Variants in ZBP1 observed in about 807,000 individuals in gnomAD.
ZBP1 encodes Z-DNA-binding protein 1.
A neutral mutation model predicts 41.1 loss-of-function variants in ZBP1; 42 were observed. The observed-to-expected ratio is 1.02, with a 90% confidence interval of 0.80 to 1.32. ZBP1 has a LOEUF of 1.32. ZBP1 is among the 40% of genes most tolerant of loss of function. ZBP1 has a pLI of 0.00. For missense variants in ZBP1, 562 were observed against 549.7 expected (o/e 1.02, Z -0.22); for synonymous variants, 214 against 205.2 (o/e 1.04, Z -0.37).
chr20:57,616,841 G>C (rs532832536), intron 1 of ZBP1: 1 of 266,714 alleles, frequency 3.7e-6, no homozygotes, highest in South Asian at 4.4e-5. Flanking sequence ...AGGGGGACCT[G>C]GGAGCGCAAA....
chr20:57,605,163 A>G (rs1300724817), intron 7 of ZBP1, among the ~76,000 whole-genome samples: 2 of 151,582 alleles, frequency 1.3e-5, no homozygotes, highest in African/African-American at 4.8e-5. Flanking sequence ...GGCCTTACAC[A>G]TCTCAGGATA....
intron 7 of ZBP1, among the ~76,000 whole-genome samples, chr20:57,609,429 C>T (rs551335815): frequency 5.0e-4 from 76 of 152,204 alleles, no homozygotes; most frequent in African/African-American, 1.3e-3. Context: ...TTGACACAGG[C>T]GGCACTTCCC....
Position 57,604,760 on chromosome 20 carries a change from GGAC to G in ZBP1, c.1100_1102del (p.Arg367del), listed in dbSNP as rs752773427. 2.1e-4 allele frequency: 341 copies of G among 1,613,472 alleles called. No individual in the cohort carries two copies. Among genetic ancestry groups the G allele is most frequent in the Non-Finnish European group, 3.6e-5 (42 of 1,179,552 alleles). Reference sequence around the variant, plus strand: ...GTGACTTCTGGATTGTGTGTCTGCGGGACGACGACCTAGGGAAGAGAAGATGGG... The same window carrying G: ...GTGACTTCTGGATTGTGTGTCTGCGGGACGACCTAGGGAAGAGAAGATGGG... On this transcript the variant is annotated inframe_deletion, in exon 8 of 8. Coordinates refer to ENST00000371173, the MANE Select transcript of ZBP1 (RefSeq NM_030776.3).
Position 57,610,119 on chromosome 20 carries a change from C to CA in ZBP1, c.1093+29dup, listed in dbSNP as rs1255656339. On this transcript the variant is annotated intron_variant, in intron 7 of 7. Coordinates refer to ENST00000371173, the MANE Select transcript of ZBP1 (RefSeq NM_030776.3). This position sits in a 1 kb window ranked among gnomAD's most constrained non-coding sequence, Gnocchi z 5.5. ...GGAAGGTGGGGAGAGAGAGAGAACA[C>CA]ACAGGGGTCCACTCTGCCCCCTAGC... 1 of 1,585,272 alleles carries CA rather than the reference C, an allele frequency of 6.3e-7. No homozygotes were observed. Among genetic ancestry groups the CA allele is most frequent in the South Asian group, 1.1e-5 (1 of 90,378 alleles).
At chr20:57,614,479 C>A (rs1000113327) in intron 4 of ZBP1, among the ~76,000 whole-genome samples, 8 of 152,056 alleles carry the variant, frequency 5.3e-5, no homozygotes, top group Non-Finnish European at 4.4e-5. Context: ...GGAAGCTGAC[C>A]CTGCGCTGAC....
rs745835660 is a variant in ZBP1 at position 57,610,229 on chromosome 20, T to C, written c.1013A>G (p.Asn338Ser). 5 of 1,614,198 alleles carry C rather than the reference T, an allele frequency of 3.1e-6. No homozygotes were observed. The East Asian group carries it at 8.9e-5, about 29-fold the overall frequency. Residue 338 changes from asparagine (N) to serine (S), a missense_variant, in exon 7 of 8, where the codon AAC becomes AGC. Coordinates refer to ENST00000371173, the MANE Select transcript of ZBP1 (RefSeq NM_030776.3). This position sits in a 1 kb window ranked among gnomAD's most constrained non-coding sequence, Gnocchi z 5.5. Reference sequence around the variant, plus strand: ...CACCCCTGGGCTGATAGACATTTTGTTGCTGTTGCCGATGGTGGCGTCCTC... The same window carrying C: ...CACCCCTGGGCTGATAGACATTTTGCTGCTGTTGCCGATGGTGGCGTCCTC... ...FLEDATIGNS[N>S]KMSISPGVAG... is the part of the protein sequence containing the mutation.
rs1295026957 is a variant in ZBP1 at position 57,620,361 on chromosome 20, G to A, written c.-66C>T. On this transcript the variant is annotated 5_prime_UTR_variant, in exon 1 of 8. Coordinates refer to ENST00000371173, the MANE Select transcript of ZBP1 (RefSeq NM_030776.3). The stretch of plus-strand genomic sequence containing the variant: ...GTGCAGGCTTCTGCACTGTGGCCCT[G>A]AGAGGGTGGGCTAGGTCGAGGCTGG... The A allele has an allele frequency of 1.3e-6, 2 of 1,542,508 alleles. No homozygotes were observed. The highest frequency in any genetic ancestry group is 1.8e-6 in the Non-Finnish European group (2 of 1,139,364).
rs923710077 is a variant in ZBP1, at chr20:57,613,104, C to A, written c.670+59G>T. 1 of 1,606,640 alleles carries A rather than the reference C, an allele frequency of 6.2e-7. No individual in the cohort carries two copies. Among genetic ancestry groups the A allele is most frequent in the East Asian group, 2.2e-5 (1 of 44,522 alleles). Reference sequence around the variant, plus strand: ...CCCATCCCTACCCTTTGCCCCCACCCAGAGGATCCGGTGGCTCCCCACCGA... The same window carrying A: ...CCCATCCCTACCCTTTGCCCCCACCAAGAGGATCCGGTGGCTCCCCACCGA... On this transcript the variant is annotated intron_variant, in intron 5 of 7. Coordinates refer to ENST00000371173, the MANE Select transcript of ZBP1 (RefSeq NM_030776.3). The surrounding 1 kb of genome is among the most constrained non-coding windows in gnomAD (Gnocchi z 4.5).
chr20:57,613,235 T>C lies in ZBP1; in HGVS notation c.598A>G (p.Ile200Val). The change falls in exon 5 of 8, where the codon ATT (isoleucine) becomes GTT (valine). Residue 200 changes from isoleucine (I) to valine (V), a missense_variant. Transcript: ENST00000371173. This position sits in a 1 kb window ranked among gnomAD's most constrained non-coding sequence, Gnocchi z 4.5. ...CQNGPNSWIS[I>V]ANSEAIQIGH... is the part of the protein sequence containing the mutation. Reference sequence around the variant, plus strand: ...ATCTGGATGGCTTCGGAGTTTGCAATGGAAATCCAGCTGTTGGGTCCATTC... The same window carrying C: ...ATCTGGATGGCTTCGGAGTTTGCAACGGAAATCCAGCTGTTGGGTCCATTC... The C allele has an allele frequency of 6.2e-7, 1 of 1,614,262 alleles. No individual in the cohort carries two copies. Among genetic ancestry groups the C allele is most frequent in the African/African-American group, 1.3e-5 (1 of 75,072 alleles).
At chr20:57,614,466 C>T (rs563798404) in intron 4 of ZBP1, among the ~76,000 whole-genome samples, 81 of 152,272 alleles carry the variant, frequency 5.3e-4, no homozygotes, top group African/African-American at 1.9e-3. Context: ...TTAGGTCTCA[C>T]GGGGAAGCTG....
At chr20:57,605,970 C>G (rs141189660) in intron 7 of ZBP1, among the ~76,000 whole-genome samples, 3 of 152,106 alleles carry the variant, frequency 2.0e-5, no homozygotes, top group Non-Finnish European at 4.4e-5. Context: ...TAACCCCAAA[C>G]GGCCTCTATG....
intron 3 of ZBP1, chr20:57,615,307 C>T: frequency 1.4e-6 from 1 of 695,222 alleles, no homozygotes; most frequent in Non-Finnish European, 2.4e-6. Flanking sequence ...CAGCTATTGT[C>T]TGACTGGAGA....
At chr20:57,615,396 TG>T in intron 3 of ZBP1, 115 bp downstream of exon 3, 2 of 1,108,336 alleles carry the variant, frequency 1.8e-6, no homozygotes, top group Non-Finnish European at 2.7e-6. Context: ...AGCTGCCTGG[TG>T]GGTGGGACAG....
chr20:57,611,136 C>G (rs2146571364), intron 6 of ZBP1, among the ~76,000 whole-genome samples: 1 of 152,360 alleles, frequency 6.6e-6, no homozygotes, highest in Middle Eastern at 3.4e-3. Flanking sequence ...AAACCATCAC[C>G]CTGCTCCAGT....
intron 1 of ZBP1, among the ~76,000 whole-genome samples, chr20:57,618,746 T>C (rs1268719403): frequency 6.6e-6 from 1 of 152,180 alleles, no homozygotes; most frequent in East Asian, 1.9e-4. Context: ...TACACCCGGC[T>C]GATTTTTGTA....
intron 7 of ZBP1, 90 bp from the exon 8 acceptor site, chr20:57,604,859 G>C: frequency 7.9e-7 from 1 of 1,272,640 alleles, no homozygotes; most frequent in Admixed American, 2.1e-5. Context: ...TTCGAGCTCA[G>C]CTTGAGCCTT....
Position 57,616,273 on chromosome 20 carries a change from C to T in ZBP1, c.230G>A (p.Gly77Asp). 1 of 1,614,080 alleles carries T rather than the reference C, an allele frequency of 6.2e-7. No individual in the cohort carries two copies. Among genetic ancestry groups the T allele is most frequent in the Non-Finnish European group, 8.5e-7 (1 of 1,180,000 alleles). ...GCTGGACAAGGCCAGCTCTGCAGGA[C>T]CCTCGCCTTCAGGATCAGTCCCGCC... ...CLGGTDPEGEGPAELALSSPA... is the reference protein window; with the variant it reads ...CLGGTDPEGEDPAELALSSPA... The change falls in exon 2 of 8, where the codon GGT becomes GAT. Residue 77 changes from glycine (G) to aspartate (D), a missense_variant. Gly to Asp is a moderately conservative substitution (Grantham distance 94). Coordinates refer to ENST00000371173, the MANE Select transcript of ZBP1 (RefSeq NM_030776.3).
chr20:57,611,621 GA>G, intron 6 of ZBP1, 105 bp downstream of exon 6: 1 of 1,268,300 alleles, frequency 7.9e-7, no homozygotes, highest in Non-Finnish European at 1.1e-6. Context: ...GGAAGGAAAG[GA>G]ATTTCCCATC....
intron 7 of ZBP1, among the ~76,000 whole-genome samples, chr20:57,608,244 C>T (rs192819265): frequency 6.6e-6 from 1 of 152,264 alleles, no homozygotes; most frequent in East Asian, 1.9e-4. Flanking sequence ...GCCTCAGCCT[C>T]CTGAGTAGCT....
Sources: gnomAD v4.1 joint callset for allele counts (sites outside exome capture counted in the v4.1 genomes callset) on GRCh38, gnomAD v4.1.1 for gene constraint, Gnocchi (gnomAD v3.1) non-coding constraint, MANE v1.5 for transcripts, NCBI Gene and HGNC (gene_info 2026-07-23, HGNC 2026-07-21) for gene names.